Variants in NLGN1 observed in about 807,000 individuals in gnomAD.
NLGN1 encodes neuroligin-1.
Under a neutral mutation model 65.5 loss-of-function variants are expected in NLGN1, and 12 were observed. The ratio of observed to expected loss-of-function variants is 0.18; its 90% CI spans 0.12 to 0.30. NLGN1 has a LOEUF of 0.30. Among genes scored for constraint, NLGN1 ranks in the 10% least tolerant of loss-of-function variants. The pLI is 1.00. For synonymous variants in NLGN1, 350 were observed against 359.5 expected (o/e 0.97, Z 0.30); for missense variants, 750 against 1,007.1 (o/e 0.74, Z 3.46).
intron 1 of NLGN1, among the ~76,000 whole-genome samples, chr3:173,428,350 C>T (rs899145693): frequency 6.6e-5 from 10 of 151,488 alleles, no homozygotes; most frequent in Admixed American, 5.9e-4. Flanking sequence ...TGTAAGTTCT[C>T]CCTTTTTTTC....
chr3:174,011,263 A>C (rs1023335080), intron 4 of NLGN1, among the ~76,000 whole-genome samples: 5 of 152,152 alleles, frequency 3.3e-5, no homozygotes, highest in African/African-American at 1.2e-4. Context: ...CATTTATTGG[A>C]GTAATAAATT....
At chr3:174,077,149 C>T (rs536215961) in intron 4 of NLGN1, among the ~76,000 whole-genome samples, 2 of 151,664 alleles carry the variant, frequency 1.3e-5, no homozygotes, top group Admixed American at 6.6e-5. Flanking sequence ...ATGGACACAT[C>T]GAGTGACAAA....
chr3:174,181,291 T>G (rs1447652722), intron 4 of NLGN1, among the ~76,000 whole-genome samples: 1 of 152,168 alleles, frequency 6.6e-6, no homozygotes, highest in African/African-American at 2.4e-5. Flanking sequence ...CCCTGCCTTT[T>G]TATCCACAGA....
intron 4 of NLGN1, among the ~76,000 whole-genome samples, chr3:173,826,466 G>A (rs73880592): frequency 0.022 from 3,391 of 152,144 alleles, 152 homozygotes; most frequent in African/African-American, 0.078. Context: ...TGTCATGAGC[G>A]TTACTGCCTC....
At chr3:173,999,404 C>A (rs913381072) in intron 4 of NLGN1, among the ~76,000 whole-genome samples, 9 of 151,960 alleles carry the variant, frequency 5.9e-5, no homozygotes, top group African/African-American at 1.9e-4. Flanking sequence ...AGTACTTGGT[C>A]ATAAATAACA....
intron 4 of NLGN1, among the ~76,000 whole-genome samples, chr3:173,988,681 T>C (rs1720461723): frequency 6.6e-6 from 1 of 152,196 alleles, no homozygotes; most frequent in African/African-American, 2.4e-5. Flanking sequence ...CTCTTCTACT[T>C]TTTTTGCTCC....
chr3:173,800,894 A>C (rs2150409681), intron 3 of NLGN1, among the ~76,000 whole-genome samples: 2 of 152,086 alleles, frequency 1.3e-5, no homozygotes, highest in Admixed American at 1.3e-4. Context: ...TATTTGCTTA[A>C]ATGTCACATA....
chr3:173,396,864 G>A (rs923108676), upstream of NLGN1, among the ~76,000 whole-genome samples: 12 of 152,112 alleles, frequency 7.9e-5, no homozygotes, highest in African/African-American at 2.7e-4. Flanking sequence ...TTGGGGTGGG[G>A]GTGGGGGGTG....
chr3:174,205,009 C>T (rs566081967), intron 4 of NLGN1, among the ~76,000 whole-genome samples: 1 of 152,030 alleles, frequency 6.6e-6, no homozygotes, highest in East Asian at 1.9e-4. Flanking sequence ...ATCACAGGAT[C>T]GTGAAGTCTC....
At position 173,748,700 on chromosome 3, in the gene NLGN1, T is replaced by A. The variant is rs16830111; in HGVS notation, c.494-58980T>A. 4.5e-3 allele frequency among the ~76,000 whole-genome samples: 682 copies of A among 152,218 alleles called. 1 individual carries two copies. The highest frequency in any genetic ancestry group is 0.015 in the African/African-American group (640 of 41,558). ...GAAAACTGCTTGTCTTTGGTCTTGG[T>A]CTTTTGACTTTTCATCTGGAGTATT... On this transcript the variant is annotated intron_variant, in intron 3 of 6. Coordinates refer to ENST00000457714, the Ensembl canonical transcript of NLGN1.
Position 174,218,555 on chromosome 3 carries a change from G to A in NLGN1, c.647-56760G>A, listed in dbSNP as rs76115941. ...GCCTTGAGAACCTCACCTCATAATG[G>A]TATTATAGTTAAGGTCCGTGCAGCA... On this transcript the variant is annotated intron_variant, in intron 4 of 6. Coordinates refer to ENST00000457714, the Ensembl canonical transcript of NLGN1. Among the ~76,000 whole-genome samples, 819 of 151,998 alleles carry A rather than the reference G, an allele frequency of 5.4e-3. 6 individuals carry two copies. The highest frequency in any genetic ancestry group is 0.019 in the African/African-American group (771 of 41,464).
At chr3:174,116,185 T>G (rs1716376078) in intron 4 of NLGN1, among the ~76,000 whole-genome samples, 1 of 152,040 alleles carries the variant, frequency 6.6e-6, no homozygotes, top group South Asian at 2.1e-4. Context: ...AAATATAAGA[T>G]ATTATTATTA....
intron 4 of NLGN1, among the ~76,000 whole-genome samples, chr3:173,940,002 C>T (rs1339299169): frequency 1.3e-5 from 2 of 150,384 alleles, no homozygotes; most frequent in Non-Finnish European, 2.9e-5. Context: ...ATGTTTCAGG[C>T]ACTGGACTAG....
intron 2 of NLGN1, among the ~76,000 whole-genome samples, chr3:173,552,861 G>A (rs955096993): frequency 2.6e-5 from 4 of 152,212 alleles, no homozygotes; most frequent in Non-Finnish European, 4.4e-5. Flanking sequence ...ATAACACACA[G>A]TAGTGTGGAA....
intron 2 of NLGN1, among the ~76,000 whole-genome samples, chr3:173,562,072 A>G (rs1742827620): frequency 6.6e-6 from 1 of 152,322 alleles, no homozygotes; most frequent in Middle Eastern, 3.4e-3. Context: ...AAGACATTTT[A>G]GACAGCAAGA....
intron 4 of NLGN1, among the ~76,000 whole-genome samples, chr3:174,023,916 G>A (rs1728285001): frequency 6.6e-6 from 1 of 152,080 alleles, no homozygotes; most frequent in Admixed American, 6.6e-5. Context: ...CACCTTGGGG[G>A]GAGGTTTGTT....
At chr3:173,898,570 A>G (rs1426631346) in intron 4 of NLGN1, among the ~76,000 whole-genome samples, 1 of 152,218 alleles carries the variant, frequency 6.6e-6, no homozygotes, top group Non-Finnish European at 1.5e-5. Flanking sequence ...GTTAACATAC[A>G]CACAACTTCT....
intron 3 of NLGN1, among the ~76,000 whole-genome samples, chr3:173,663,021 AG>A (rs749110757): frequency 3.9e-5 from 6 of 152,016 alleles, no homozygotes; most frequent in Non-Finnish European, 8.8e-5. Flanking sequence ...GCATTTTAAA[AG>A]CATCATTTGA....
chr3:174,195,803 C>T (rs1211390676), intron 4 of NLGN1, among the ~76,000 whole-genome samples: 1 of 145,052 alleles, frequency 6.9e-6, no homozygotes, highest in African/African-American at 2.7e-5. Flanking sequence ...AAAAAACTGC[C>T]TTCTTCAGGG....
Sources: gnomAD v4.1 joint callset for allele counts (sites outside exome capture counted in the v4.1 genomes callset) on GRCh38, gnomAD v4.1.1 for gene constraint, MANE v1.5 for transcripts, NCBI Gene and HGNC (gene_info 2026-07-23, HGNC 2026-07-21) for gene names.